The following SCFD2 variants were observed in gnomAD, a reference collection of about 807,000 sequenced individuals.
The protein encoded by SCFD2 is sec1 family domain-containing protein 2.
Under a neutral mutation model 58.9 loss-of-function variants are expected in SCFD2, and 54 were observed. That is an observed-to-expected ratio of 0.92 (90% confidence interval 0.74 to 1.15). The LOEUF is 1.15. Among genes scored for constraint, SCFD2 ranks in the 50% most tolerant of loss-of-function variants. The probability of loss-of-function intolerance (pLI) is 0.00; values close to 1 mark genes in which losing one functional copy is unlikely to be tolerated. For missense variants in SCFD2, 805 were observed against 836.6 expected, an observed-to-expected ratio of 0.96 and a Z score of 0.47; for synonymous variants, 321 against 335.9, an observed-to-expected ratio of 0.96 and a Z score of 0.49.
chr4:52,928,404 C>A (rs1175917754), intron 5 of SCFD2, among the ~76,000 whole-genome samples: 2 of 152,108 alleles, frequency 1.3e-5, no homozygotes, highest in African/African-American at 2.4e-5. Flanking sequence ...TATTAGAGTT[C>A]TTGAGCTATG....
rs541889901 is a variant in SCFD2, at chr4:53,176,408, C to T, written c.1312-30826G>A. Among the ~76,000 whole-genome samples, 11 of 152,274 alleles carry T rather than the reference C, an allele frequency of 7.2e-5. No individual in the cohort carries two copies. The South Asian group carries it at 2.3e-3, about 32-fold the overall frequency. On this transcript the variant is annotated intron_variant, in intron 4 of 8. Transcript: ENST00000401642. The stretch of plus-strand genomic sequence containing the variant: ...CCTCTTAGAGCTCTTTGGGAGTGAA[C>T]TGCTGAGATACCTTGGGGAGGAAAT...
chr4:53,168,850 T>C (rs2148934419), intron 4 of SCFD2, among the ~76,000 whole-genome samples: 1 of 152,336 alleles, frequency 6.6e-6, no homozygotes, highest in South Asian at 2.1e-4. Flanking sequence ...AAACATATTC[T>C]TCCTGTCTAA....
At chr4:53,109,468 C>T (rs192762334) in intron 5 of SCFD2, among the ~76,000 whole-genome samples, 27 of 152,248 alleles carry the variant, frequency 1.8e-4, no homozygotes, top group Non-Finnish European at 3.7e-4. Flanking sequence ...TTAGAAAACC[C>T]CATCGTCTCT....
intron 4 of SCFD2, among the ~76,000 whole-genome samples, chr4:53,188,451 G>GTGTGTGTGTGTGTGTGTT (rs1480600825): frequency 1.2e-4 from 18 of 150,652 alleles, no homozygotes; most frequent in African/African-American, 4.1e-4. Context: ...GTGTGTGTGT[G>GTGTGTGTGTGTGTGTGTT]TGTGTGTGTG....
At chr4:53,184,932 A>G (rs1727695864) in intron 4 of SCFD2, among the ~76,000 whole-genome samples, 1 of 152,128 alleles carries the variant, frequency 6.6e-6, no homozygotes, top group Non-Finnish European at 1.5e-5. Flanking sequence ...ATTTGTTGTG[A>G]TGAATTTGAT....
chr4:53,320,490 G>A (rs1732992231), intron 2 of SCFD2, among the ~76,000 whole-genome samples: 3 of 152,134 alleles, frequency 2.0e-5, no homozygotes, highest in Admixed American at 6.5e-5. Flanking sequence ...GGTGGTGCAC[G>A]CCGGCAATCC....
At chr4:53,102,455 C>A (rs1351685475) in intron 5 of SCFD2, among the ~76,000 whole-genome samples, 1 of 151,382 alleles carries the variant, frequency 6.6e-6, no homozygotes, top group Admixed American at 6.6e-5. Context: ...AATGATAGGA[C>A]AAATAAATTA....
intron 4 of SCFD2, among the ~76,000 whole-genome samples, chr4:53,177,414 G>A (rs1295340196): frequency 2.1e-5 from 3 of 143,380 alleles, no homozygotes; most frequent in Non-Finnish European, 4.5e-5. Flanking sequence ...TTAGGAGAAG[G>A]GAGAGGGTAT....
At chr4:53,064,247 T>C (rs555323925) in intron 5 of SCFD2, among the ~76,000 whole-genome samples, 2 of 152,174 alleles carry the variant, frequency 1.3e-5, no homozygotes, top group Non-Finnish European at 2.9e-5. Flanking sequence ...TAGCGCCCAG[T>C]AGTCTTTTAA....
chr4:53,101,772 T>A (rs925789292), intron 5 of SCFD2, among the ~76,000 whole-genome samples: 2 of 152,200 alleles, frequency 1.3e-5, no homozygotes, highest in African/African-American at 4.8e-5. Flanking sequence ...TTCCTGGTTC[T>A]TGATTAGGAT....
rs746981945 is a variant in SCFD2 at position 52,873,943 on chromosome 4, G to A, written c.*26C>T. On this transcript the variant is annotated 3_prime_UTR_variant, in exon 9 of 9. Coordinates refer to ENST00000401642, the MANE Select transcript of SCFD2 (RefSeq NM_152540.4). ...AATTGCATCGGCATTTCCAGCTTGA[G>A]TAGGTCTTATCTTCTTAGCGGATGC... 6 of 1,560,786 alleles carry A rather than the reference G, an allele frequency of 3.8e-6. No homozygotes were observed. The Admixed American group carries it at 8.3e-5, about 22-fold the overall frequency.
chr4:52,990,827 C>T (rs1470112113), intron 5 of SCFD2, among the ~76,000 whole-genome samples: 1 of 152,140 alleles, frequency 6.6e-6, no homozygotes, highest in Non-Finnish European at 1.5e-5. Flanking sequence ...AAGAGAAATG[C>T]AGTAATGATA....
At chr4:52,951,376 C>T (rs1170973617) in intron 5 of SCFD2, among the ~76,000 whole-genome samples, 1 of 152,174 alleles carries the variant, frequency 6.6e-6, no homozygotes, top group Non-Finnish European at 1.5e-5. Context: ...AGGTCTATAA[C>T]CAACATGCAT....
At chr4:53,020,623 G>A (rs1454738141) in intron 5 of SCFD2, among the ~76,000 whole-genome samples, 1 of 152,144 alleles carries the variant, frequency 6.6e-6, no homozygotes, top group African/African-American at 2.4e-5. Context: ...TCAGAGACTA[G>A]ATAGCTGTTC....
At chr4:53,303,071 C>A (rs1283738783) in intron 3 of SCFD2, among the ~76,000 whole-genome samples, 1 of 152,188 alleles carries the variant, frequency 6.6e-6, no homozygotes, top group African/African-American at 2.4e-5. Flanking sequence ...ACACCAAAAG[C>A]AATGGCAACA....
At chr4:53,216,537 T>G (rs1366940001) in intron 4 of SCFD2, among the ~76,000 whole-genome samples, 1 of 152,174 alleles carries the variant, frequency 6.6e-6, no homozygotes, top group African/African-American at 2.4e-5. Context: ...TCTTCTCTCT[T>G]TTTTTCTTTA....
At chr4:53,095,988 C>T (rs1343354430) in intron 5 of SCFD2, among the ~76,000 whole-genome samples, 11 of 151,912 alleles carry the variant, frequency 7.2e-5, no homozygotes, top group East Asian at 3.9e-4. Flanking sequence ...TTTGTCCTTG[C>T]GGTAGTTTGC....
intron 5 of SCFD2, among the ~76,000 whole-genome samples, chr4:53,006,423 G>A (rs1721972471): frequency 1.3e-5 from 2 of 152,072 alleles, no homozygotes; most frequent in African/African-American, 2.4e-5. Flanking sequence ...CAAAAATAGG[G>A]GCAATATTGC....
chr4:53,073,601 G>A (rs1388152095), intron 5 of SCFD2, among the ~76,000 whole-genome samples: 1 of 152,108 alleles, frequency 6.6e-6, no homozygotes, highest in African/African-American at 2.4e-5. Flanking sequence ...AAAGGTGGAA[G>A]ACTTTAGTTT....
Sources: allele counts gnomAD v4.1 joint callset (sites outside exome capture counted in the v4.1 genomes callset), GRCh38; gene constraint gnomAD v4.1.1; transcripts MANE v1.5; gene names NCBI Gene and HGNC (gene_info 2026-07-23, HGNC 2026-07-21).